Variants in DGKI observed in about 807,000 individuals in gnomAD.
The protein encoded by DGKI is DAG kinase iota.
In DGKI, 55 loss-of-function variants were observed where a neutral mutation model predicts 147.5. That is an observed-to-expected ratio of 0.37 (90% CI 0.30 to 0.47). DGKI has a LOEUF of 0.47. Among genes scored for constraint, DGKI ranks in the 20% least tolerant of loss-of-function variants. The pLI is 1.00. For synonymous variants in DGKI, 469 were observed against 477.1 expected, an observed-to-expected ratio of 0.98 and a Z score of 0.22; for missense variants, 1,007 against 1,323.8, an observed-to-expected ratio of 0.76 and a Z score of 3.71.
intron 1 of DGKI, among the ~76,000 whole-genome samples, chr7:137,777,366 A>C (rs1463471916): frequency 6.6e-6 from 1 of 152,180 alleles, no homozygotes; most frequent in Non-Finnish European, 1.5e-5. Context: ...TCTCCATAAA[A>C]AGTATGCAAT....
chr7:137,529,371 T>C (rs2128956173), intron 20 of DGKI, among the ~76,000 whole-genome samples: 1 of 152,270 alleles, frequency 6.6e-6, no homozygotes, highest in Non-Finnish European at 1.5e-5. Context: ...GCATAGATTT[T>C]TCATGTGTGA....
At chr7:137,565,607 G>A (rs889607991) in intron 19 of DGKI, among the ~76,000 whole-genome samples, 6 of 152,104 alleles carry the variant, frequency 3.9e-5, no homozygotes, top group African/African-American at 7.2e-5. Flanking sequence ...TAAAGTTTAC[G>A]AGACTGAAAT....
At chr7:137,733,510 AT>A (rs1362777159) in intron 1 of DGKI, among the ~76,000 whole-genome samples, 4 of 152,098 alleles carry the variant, frequency 2.6e-5, no homozygotes, top group Non-Finnish European at 5.9e-5. Flanking sequence ...TACTTGGATT[AT>A]TTCCACCTTT....
intron 1 of DGKI, among the ~76,000 whole-genome samples, chr7:137,840,624 C>A (rs1798517112): frequency 6.6e-6 from 1 of 152,190 alleles, no homozygotes. Flanking sequence ...TCACAGCTGC[C>A]TAAATGGCTG....
intron 15 of DGKI, among the ~76,000 whole-genome samples, chr7:137,580,506 A>G (rs976765775): frequency 3.3e-5 from 5 of 152,110 alleles, no homozygotes; most frequent in Non-Finnish European, 5.9e-5. Flanking sequence ...TTTCTGGCCA[A>G]TCAGAGAGGA....
At position 137,846,957 on chromosome 7, in the gene DGKI, C is replaced by A. The variant is rs546875108; in HGVS notation, c.-95G>T. ...CGCCGCTCCCCGCCTCCCGCGCCCT[C>A]CCGCGCCGGCCCGCACCCTCCAGCC... is the stretch of plus-strand genomic sequence containing the variant. On this transcript the variant is annotated 5_prime_UTR_variant, in exon 1 of 33. Transcript: ENST00000614521. This position sits in a 1 kb window ranked among gnomAD's most constrained non-coding sequence, Gnocchi z 4.0. 4.6e-4 allele frequency: 429 copies of A among 930,660 alleles called. No homozygotes were observed. The Middle Eastern group carries it at 8.4e-3, about 18-fold the overall frequency. The allele number at this position is 930,660 out of a possible 1,614,324, so 57.7% of individuals were successfully genotyped here. A position where few individuals can be genotyped will look rare whatever the true frequency, so the allele number is the denominator to read the frequency against.
intron 1 of DGKI, chr7:137,772,035 GAAAGTAGCAAAAT>G (rs1345904997): frequency 6.6e-6 from 1 of 152,172 alleles, no homozygotes; most frequent in East Asian, 1.9e-4. Context: ...TGTCCGTAAA[GAAAGTAGCAAAAT>G]AAAAATCATG....
At chr7:137,758,714 AT>A (rs1325039342) in intron 1 of DGKI, among the ~76,000 whole-genome samples, 1 of 151,634 alleles carries the variant, frequency 6.6e-6, no homozygotes, top group Non-Finnish European at 1.5e-5. Context: ...ATAAAATTAT[AT>A]ATATATATAT....
intron 21 of DGKI, among the ~76,000 whole-genome samples, chr7:137,489,270 T>C (rs879585139): frequency 3.3e-5 from 5 of 152,124 alleles, no homozygotes; most frequent in African/African-American, 4.8e-5. Context: ...AACGACTGTT[T>C]GGATGCAAAA....
intron 1 of DGKI, among the ~76,000 whole-genome samples, chr7:137,702,610 C>G (rs1302151532): frequency 6.6e-6 from 1 of 152,166 alleles, no homozygotes; most frequent in Admixed American, 6.5e-5. Flanking sequence ...TGCCCTATCC[C>G]CATCCTTATC....
chr7:137,707,226 T>G (rs1190434719), intron 1 of DGKI, among the ~76,000 whole-genome samples: 1 of 152,210 alleles, frequency 6.6e-6, no homozygotes, highest in Non-Finnish European at 1.5e-5. Context: ...AGTACCTCTA[T>G]TCACCTATGC....
At chr7:137,481,219 G>A (rs938840132) in intron 23 of DGKI, among the ~76,000 whole-genome samples, 6 of 152,068 alleles carry the variant, frequency 3.9e-5, no homozygotes, top group African/African-American at 1.4e-4. Context: ...CCTACAGGGA[G>A]CAAATTCTTC....
chr7:137,769,075 G>A (rs943768238), intron 1 of DGKI, among the ~76,000 whole-genome samples: 3 of 152,174 alleles, frequency 2.0e-5, no homozygotes, highest in African/African-American at 7.2e-5. Context: ...GAAATTCTGA[G>A]AAAAGACAGC....
chr7:137,594,369 A>G (rs1819716968), intron 12 of DGKI, among the ~76,000 whole-genome samples: 1 of 152,196 alleles, frequency 6.6e-6, no homozygotes, highest in Non-Finnish European at 1.5e-5. Flanking sequence ...TTTAAATAAT[A>G]TACAATTAAA....
Position 137,577,287 on chromosome 7 carries a change from A to G in DGKI, c.1699-3T>C, listed in dbSNP as rs757974495. 44 of 1,591,530 alleles carry G rather than the reference A, an allele frequency of 2.8e-5. No homozygotes were observed. Among genetic ancestry groups the G allele is most frequent in the Non-Finnish European group, 3.5e-5 (41 of 1,164,214 alleles). On this transcript the variant is annotated splice_polypyrimidine_tract_variant and splice_region_variant and intron_variant, in intron 16 of 32. Coordinates refer to ENST00000614521, the MANE Select transcript of DGKI (RefSeq NM_001321708.2). ...TGTAGGAAGTCAGAAAAAGCTGCCT[A>G]TACCACAGGGAAATAAAGAAGAAGA...
intron 28 of DGKI, among the ~76,000 whole-genome samples, chr7:137,426,753 G>A (rs1812826946): frequency 6.6e-6 from 1 of 151,324 alleles, no homozygotes; most frequent in African/African-American, 2.4e-5. Context: ...TGCAATCCTA[G>A]TCTCTGATAA....
chr7:137,622,455 A>C (rs1820784657), intron 7 of DGKI, among the ~76,000 whole-genome samples: 1 of 152,192 alleles, frequency 6.6e-6, no homozygotes, highest in Non-Finnish European at 1.5e-5. Context: ...AAGAATAGGG[A>C]CATTGAGAAA....
chr7:137,626,178 C>A (rs537152932), intron 6 of DGKI, among the ~76,000 whole-genome samples: 1 of 152,130 alleles, frequency 6.6e-6, no homozygotes, highest in South Asian at 2.1e-4. Context: ...TACACTGAGT[C>A]CTGTGTGTCC....
intron 3 of DGKI, among the ~76,000 whole-genome samples, chr7:137,673,342 G>T (rs923179419): frequency 3.3e-5 from 5 of 152,270 alleles, no homozygotes; most frequent in African/African-American, 1.2e-4. Flanking sequence ...GTGGATCACT[G>T]TCTCTCTACC....
Sources: allele counts gnomAD v4.1 joint callset (sites outside exome capture counted in the v4.1 genomes callset), GRCh38; gene constraint gnomAD v4.1.1; non-coding constraint Gnocchi (gnomAD v3.1); transcripts MANE v1.5; gene names NCBI Gene and HGNC (gene_info 2026-07-23, HGNC 2026-07-21).